MORF4L1: variants seen among roughly 807,000 people sequenced by gnomAD.
MORF4L1 encodes mortality factor 4 like 1.
A neutral mutation model predicts 52.9 loss-of-function variants in MORF4L1; 4 were observed. The ratio of observed to expected loss-of-function variants is 0.08; its 90% CI spans 0.04 to 0.17. MORF4L1 has a LOEUF of 0.17. MORF4L1 is among the 10% of genes least tolerant of loss of function. The pLI is 1.00. For synonymous variants in MORF4L1, 123 were observed against 134.8 expected (o/e 0.91, Z 0.61); for missense variants, 214 against 390.4 (o/e 0.55, Z 3.81).
chr15:78,883,383 CT>C (rs1216021712), intron 3 of MORF4L1, among the ~76,000 whole-genome samples: 1 of 152,162 alleles, frequency 6.6e-6, no homozygotes. Context: ...ATAGATAACC[CT>C]GTATAAAATT....
chr15:78,897,126 A>C lies in MORF4L1; in HGVS notation c.*59A>C. The C allele has an allele frequency of 7.5e-7, 1 of 1,337,866 alleles. No homozygotes were observed. The highest frequency in any genetic ancestry group is 2.5e-4 in the Middle Eastern group (1 of 3,938). The allele number at this position is 1,337,866 out of a possible 1,614,324, so 82.9% of individuals were successfully genotyped here. On this transcript the variant is annotated 3_prime_UTR_variant, in exon 12 of 12. Transcript: ENST00000426013. ...GTAAACACATTTTTGTTCTTAGTCT[A>C]TCTCTTGTACAAACGATGTGCTTTG... is the stretch of plus-strand genomic sequence containing the variant.
intron 2 of MORF4L1, among the ~76,000 whole-genome samples, chr15:78,880,224 G>T (rs1233296467): frequency 6.6e-6 from 1 of 152,210 alleles, no homozygotes; most frequent in Non-Finnish European, 1.5e-5. Context: ...TGGCTGATTA[G>T]ACTGAGAAGA....
At chr15:78,893,667 T>G (rs2056837852) in intron 9 of MORF4L1, 40 bp downstream of exon 9, 4 of 1,360,418 alleles carry the variant, frequency 2.9e-6, no homozygotes, top group Non-Finnish European at 4.1e-6. Context: ...CAAAAGACAT[T>G]TAAAAAAGTT....
intron 5 of MORF4L1, among the ~76,000 whole-genome samples, chr15:78,887,657 C>T (rs2056729118): frequency 6.6e-6 from 1 of 152,186 alleles, no homozygotes; most frequent in South Asian, 2.1e-4. Context: ...ACCTAAAAAG[C>T]AAGTGCTGGC....
At chr15:78,886,277 A>C (rs1567309692) in intron 4 of MORF4L1, 50 bp downstream of exon 4, 2 of 1,449,568 alleles carry the variant, frequency 1.4e-6, no homozygotes, top group Non-Finnish European at 1.9e-6. Flanking sequence ...CTGTAGATTA[A>C]TTCTGGACAT....
At chr15:78,882,290 G>C (rs536040781) in intron 3 of MORF4L1, among the ~76,000 whole-genome samples, 208 of 152,234 alleles carry the variant, frequency 1.4e-3, no homozygotes, top group African/African-American at 4.8e-3. Flanking sequence ...ACTCTAGCCT[G>C]AGTGACAGAG....
intron 8 of MORF4L1, among the ~76,000 whole-genome samples, chr15:78,893,189 A>G (rs2056829422): frequency 6.6e-6 from 1 of 152,224 alleles, no homozygotes; most frequent in Admixed American, 6.5e-5. Context: ...CCACAAAGGC[A>G]CATTCGTGTC....
Position 78,892,295 on chromosome 15 carries a change from A to G in MORF4L1, c.522A>G (p.Leu174=), listed in dbSNP as rs749898597. 5.6e-6 allele frequency: 9 copies of G among 1,613,148 alleles called. No homozygotes were observed. In the African/African-American group the frequency reaches 1.2e-4, roughly 22 times the overall value. Residue 174 remains leucine, a synonymous_variant, in exon 8 of 12, where the codon TTA becomes TTG. Coordinates refer to ENST00000426013, the MANE Select transcript of MORF4L1 (RefSeq NM_006791.4). ...LKPWLVDDWD[L]ITRQKQLFYL... ...CGTGGCTTGTTGATGACTGGGACTT[A>G]ATTACCAGGCAAAAACAGGTAACTT...
chr15:78,880,129 C>T (rs982865455), intron 2 of MORF4L1, among the ~76,000 whole-genome samples: 1 of 152,192 alleles, frequency 6.6e-6, no homozygotes, highest in Admixed American at 6.5e-5. Context: ...CATTTACTGC[C>T]TTTCATAAGC....
chr15:78,874,749 CT>C (rs1567296023), intron 1 of MORF4L1, among the ~76,000 whole-genome samples: 3 of 148,206 alleles, frequency 2.0e-5, no homozygotes, highest in African/African-American at 7.4e-5. Context: ...TTTAATACCC[CT>C]CTCTCACCTT....
At chr15:78,896,917 A>G (rs2141491834) in intron 11 of MORF4L1, 66 bp from the exon 12 acceptor site, 1 of 1,203,686 alleles carries the variant, frequency 8.3e-7, no homozygotes. Flanking sequence ...TATATAATAT[A>G]TAGGAAGAGA....
intron 5 of MORF4L1, among the ~76,000 whole-genome samples, chr15:78,887,699 A>G (rs1301969643): frequency 6.6e-6 from 1 of 152,238 alleles, no homozygotes; most frequent in Non-Finnish European, 1.5e-5. Context: ...ATTAACCTCC[A>G]CTTTGGTGAA....
Position 78,890,989 on chromosome 15 carries a change from GA to G in MORF4L1, c.328del (p.Thr110ArgfsTer31). ...TTTTCTTTTTTTTCTCTCCTTTTAGGAAAACGAAAAAGAACAAACAGAAAAG... is the reference window on the plus strand; with the variant it reads ...TTTTCTTTTTTTTCTCTCCTTTTAGGAAACGAAAAAGAACAAACAGAAAAG... ...SGLQQKNVEV[K>X]TKKNKQKTPG... On this transcript the variant is annotated frameshift_variant and splice_region_variant, in exon 6 of 12. Coordinates refer to ENST00000426013, the MANE Select transcript of MORF4L1 (RefSeq NM_006791.4). LOFTEE classifies it high-confidence loss of function. The G allele has an allele frequency of 6.9e-7, 1 of 1,457,044 alleles. No homozygotes were observed. The highest frequency in any genetic ancestry group is 1.3e-5 in the South Asian group (1 of 79,484). The allele number at this position is 1,457,044 out of a possible 1,614,324, so 90.3% of individuals were successfully genotyped here. A position where few individuals can be genotyped will look rare whatever the true frequency, so the allele number is the denominator to read the frequency against.
At chr15:78,879,168 C>G (rs1480576403) in intron 2 of MORF4L1, among the ~76,000 whole-genome samples, 4 of 152,114 alleles carry the variant, frequency 2.6e-5, no homozygotes, top group African/African-American at 9.7e-5. Context: ...CCCAGGAGTT[C>G]AAGGCCAGTT....
intron 3 of MORF4L1, among the ~76,000 whole-genome samples, chr15:78,884,661 ACAC>A (rs1567307655): frequency 0.14 from 4,729 of 33,730 alleles, 206 homozygotes; most frequent in Non-Finnish European, 0.19. Flanking sequence ...AAAAAAAAAT[ACAC>A]ACACACACAC....
At chr15:78,879,843 G>A (rs1018140417) in intron 2 of MORF4L1, among the ~76,000 whole-genome samples, 1 of 151,740 alleles carries the variant, frequency 6.6e-6, no homozygotes, top group Non-Finnish European at 1.5e-5. Context: ...TTGTATCAAC[G>A]TTTGGCAAAC....
At chr15:78,891,188 A>C in intron 6 of MORF4L1, 174 bp downstream of exon 6, 1 of 819,954 alleles carries the variant, frequency 1.2e-6, no homozygotes. Context: ...CTTTTTGCCA[A>C]GGAGAAACTT....
chr15:78,883,851 T>C (rs1326711096), intron 3 of MORF4L1, among the ~76,000 whole-genome samples: 1 of 152,188 alleles, frequency 6.6e-6, no homozygotes, highest in African/African-American at 2.4e-5. Flanking sequence ...ATTTAGTCTA[T>C]GTAAGTACTG....
At position 78,891,170 on chromosome 15, in the gene MORF4L1, A is replaced by G. The variant is rs550152905; in HGVS notation, c.349+156A>G. 3.2e-5 allele frequency: 31 copies of G among 956,696 alleles called. No individual in the cohort carries two copies. The East Asian group carries it at 8.6e-4, about 26-fold the overall frequency. 59.3% of individuals were successfully genotyped at this position (956,696 alleles called of 1,614,324 possible). A position where few individuals can be genotyped will look rare whatever the true frequency, so the allele number is the denominator to read the frequency against. On this transcript the variant is annotated intron_variant, in intron 6 of 11. Coordinates refer to ENST00000426013, the MANE Select transcript of MORF4L1 (RefSeq NM_006791.4). ...TGTTATAAAATAGGTACATGGTGGT[A>G]GAGACCTCTTTTTGCCAAGGAGAAA...
Sources: gnomAD v4.1 joint callset for allele counts (sites outside exome capture counted in the v4.1 genomes callset) on GRCh38, gnomAD v4.1.1 for gene constraint, MANE v1.5 for transcripts, NCBI Gene and HGNC (gene_info 2026-07-23, HGNC 2026-07-21) for gene names.